NMNAT3: variants seen among roughly 807,000 people sequenced by gnomAD.
NMNAT3 encodes the protein nicotinamide/nicotinic acid mononucleotide adenylyltransferase 3.
A neutral mutation model predicts 24.8 loss-of-function variants in NMNAT3; 21 were observed. The ratio of observed to expected loss-of-function variants is 0.85; its 90% CI spans 0.60 to 1.22. The LOEUF is 1.22. Among genes scored for constraint, NMNAT3 ranks in the 50% most tolerant of loss-of-function variants. NMNAT3 has a pLI of 0.00. For synonymous variants in NMNAT3, 136 were observed against 155.2 expected, an observed-to-expected ratio of 0.88 and a Z score of 0.92; for missense variants, 387 against 436.6, an observed-to-expected ratio of 0.89 and a Z score of 1.01.
chr3:139,574,398 C>A (rs78898983), intron 5 of NMNAT3, among the ~76,000 whole-genome samples: 1 of 152,232 alleles, frequency 6.6e-6, no homozygotes, highest in East Asian at 1.9e-4. Flanking sequence ...GGGGTTAATA[C>A]ACACAAAGTG....
intron 2 of NMNAT3, chr3:139,636,974 AT>A (rs1482647390): frequency 6.6e-6 from 1 of 152,168 alleles, no homozygotes; most frequent in African/African-American, 2.4e-5. Flanking sequence ...GTCCTACTAC[AT>A]TTGTGTAGGT....
intron 1 of NMNAT3, among the ~76,000 whole-genome samples, chr3:139,649,976 C>A (rs913140550): frequency 2.0e-5 from 3 of 152,136 alleles, no homozygotes; most frequent in Non-Finnish European, 4.4e-5. Context: ...GACCCCAAAG[C>A]AAAGATGTGA....
intron 3 of NMNAT3, among the ~76,000 whole-genome samples, chr3:139,614,465 C>T (rs2055387595): frequency 1.3e-5 from 2 of 152,234 alleles, no homozygotes; most frequent in South Asian, 4.1e-4. Flanking sequence ...AGACACTGGC[C>T]TTGGGCCCAC....
At chr3:139,645,521 C>T (rs2056842174) in intron 1 of NMNAT3, among the ~76,000 whole-genome samples, 1 of 152,192 alleles carries the variant, frequency 6.6e-6, no homozygotes, top group Non-Finnish European at 1.5e-5. Context: ...TAGAACATGA[C>T]TTCCAGCTAC....
chr3:139,613,013 T>C (rs577123360), intron 3 of NMNAT3, among the ~76,000 whole-genome samples: 1 of 152,190 alleles, frequency 6.6e-6, no homozygotes, highest in South Asian at 2.1e-4. Flanking sequence ...AAATGTTAGA[T>C]CTAAAACCAT....
Position 139,629,257 on chromosome 3 carries a change from C to G in NMNAT3, c.-40-1493G>C, listed in dbSNP as rs143003553. Among the ~76,000 whole-genome samples the G allele has an allele frequency of 1.2e-3, 180 of 152,284 alleles. No individual in the cohort carries two copies. In the Middle Eastern group the frequency reaches 0.014, roughly 12 times the overall value. Reference sequence around the variant, plus strand: ...CATGGGCCCAGGAAGTGAGAGAGACCTCTGGTGGCCAACAGCCAGTGAGGA... The same window carrying G: ...CATGGGCCCAGGAAGTGAGAGAGACGTCTGGTGGCCAACAGCCAGTGAGGA... On this transcript the variant is annotated intron_variant, in intron 2 of 6. Coordinates refer to ENST00000643695, the MANE Select transcript of NMNAT3 (RefSeq NM_001320510.2).
intron 6 of NMNAT3, chr3:139,567,156 T>C (rs1937364311): frequency 6.6e-6 from 1 of 152,212 alleles, no homozygotes; most frequent in Admixed American, 6.5e-5. Flanking sequence ...ACGATTTGGC[T>C]GTTTGTCTGT....
At chr3:139,576,788 G>C (rs1233080135) in intron 5 of NMNAT3, among the ~76,000 whole-genome samples, 1 of 152,138 alleles carries the variant, frequency 6.6e-6, no homozygotes, top group Non-Finnish European at 1.5e-5. Context: ...CTGGTGTGGT[G>C]ACTCATGCCT....
intron 3 of NMNAT3, among the ~76,000 whole-genome samples, chr3:139,594,404 T>C (rs1443768619): frequency 3.9e-5 from 6 of 152,170 alleles, no homozygotes; most frequent in Admixed American, 3.9e-4. Context: ...CTCGTACCAT[T>C]CCTTCTGAAA....
chr3:139,653,097 G>T (rs999708660), intron 1 of NMNAT3, among the ~76,000 whole-genome samples: 5 of 152,152 alleles, frequency 3.3e-5, no homozygotes, highest in African/African-American at 9.7e-5. Flanking sequence ...GCCATAAGTT[G>T]CAGTTTATGG....
At chr3:139,660,409 A>G (rs2057377671) in intron 1 of NMNAT3, among the ~76,000 whole-genome samples, 1 of 152,228 alleles carries the variant, frequency 6.6e-6, no homozygotes, top group Non-Finnish European at 1.5e-5. Flanking sequence ...TTCCTCCACT[A>G]ACAGAGCTGT....
At chr3:139,613,696 T>G (rs1356640673) in intron 3 of NMNAT3, among the ~76,000 whole-genome samples, 1 of 152,072 alleles carries the variant, frequency 6.6e-6, no homozygotes, top group African/African-American at 2.4e-5. Context: ...GTATGTTTAT[T>G]GCGGCACTAT....
At chr3:139,613,832 G>A (rs1399470283) in intron 3 of NMNAT3, among the ~76,000 whole-genome samples, 1 of 152,140 alleles carries the variant, frequency 6.6e-6, no homozygotes, top group African/African-American at 2.4e-5. Flanking sequence ...CATGTCCTTT[G>A]TAGGGACATG....
chr3:139,674,926 G>T (rs1432289411), intron 1 of NMNAT3, among the ~76,000 whole-genome samples: 1 of 152,174 alleles, frequency 6.6e-6, no homozygotes, highest in African/African-American at 2.4e-5. Flanking sequence ...ACAGCCCTAT[G>T]AATTAGCTAC....
rs72975818 is a variant in NMNAT3, at chr3:139,655,261, T to A, written c.-140-17199A>T. Among the ~76,000 whole-genome samples, 104 of 152,322 alleles carry A rather than the reference T, an allele frequency of 6.8e-4. 2 individuals carry two copies. Among genetic ancestry groups the A allele is most frequent in the African/African-American group, 2.4e-3 (101 of 41,562 alleles). ...ATGTTGACAAGGTCAAACTTGATCC[T>A]GACGGTGGTGGCTGGTAAGCCTCTG... On this transcript the variant is annotated intron_variant, in intron 1 of 6. Coordinates refer to ENST00000643695, the MANE Select transcript of NMNAT3 (RefSeq NM_001320510.2).
chr3:139,660,255 A>C (rs928394087), intron 1 of NMNAT3, among the ~76,000 whole-genome samples: 3 of 152,122 alleles, frequency 2.0e-5, no homozygotes, highest in Non-Finnish European at 2.9e-5. Context: ...AATTAACCTA[A>C]ATCTACAAAC....
intron 3 of NMNAT3, among the ~76,000 whole-genome samples, chr3:139,596,944 ATATATATATATATATATATATT>A (rs1559891004): frequency 8.9e-6 from 1 of 111,982 alleles, no homozygotes; most frequent in Non-Finnish European, 1.6e-5. Context: ...ATATATATAT[ATATATATATATATATATATATT>A]TTTATTACAT....
At chr3:139,664,146 T>C (rs933175812) in intron 1 of NMNAT3, among the ~76,000 whole-genome samples, 1 of 152,208 alleles carries the variant, frequency 6.6e-6, no homozygotes, top group Admixed American at 6.5e-5. Context: ...TTTAAAGCAC[T>C]TTATATTACA....
At chr3:139,658,479 T>G (rs7625629) in intron 1 of NMNAT3, among the ~76,000 whole-genome samples, 1 of 152,214 alleles carries the variant, frequency 6.6e-6, no homozygotes, top group African/African-American at 2.4e-5. Context: ...GCAGATGAAG[T>G]ACTTGTTTGT....
Sources: gnomAD v4.1 joint callset for allele counts (sites outside exome capture counted in the v4.1 genomes callset) on GRCh38, gnomAD v4.1.1 for gene constraint, MANE v1.5 for transcripts, NCBI Gene and HGNC (gene_info 2026-07-23, HGNC 2026-07-21) for gene names.